The following STARD13 variants were observed in gnomAD, a reference collection of about 807,000 sequenced individuals.
STARD13 encodes StAR related lipid transfer domain containing 13, also known as stAR-related lipid transfer protein 13.
STARD13 carries 62 observed loss-of-function variants against 106.4 expected under a neutral mutation model. That is an observed-to-expected ratio of 0.58 (90% CI 0.48 to 0.72). The LOEUF (loss-of-function observed/expected upper bound fraction) is 0.72. STARD13 is among the 30% of genes least tolerant of loss of function. The pLI is 0.00. For missense variants in STARD13, 1,387 were observed against 1,424.0 expected (o/e 0.97, Z 0.42); for synonymous variants, 565 against 553.0 (o/e 1.02, Z -0.31).
the STARD13 span, among the ~76,000 whole-genome samples, chr13:33,558,788 A>G: frequency 6.6e-6 from 1 of 151,568 alleles, no homozygotes; most frequent in African/African-American, 2.4e-5. Flanking sequence ...GACAAATATA[A>G]TAAAATGATT....
At chr13:33,119,598 A>C (rs999438888) in intron 7 of STARD13, among the ~76,000 whole-genome samples, 3 of 152,220 alleles carry the variant, frequency 2.0e-5, no homozygotes, top group Non-Finnish European at 4.4e-5. Flanking sequence ...GAGCATACTC[A>C]GGTTTTTGTA....
chr13:33,521,857 C>A, the STARD13 span, among the ~76,000 whole-genome samples: 1 of 151,950 alleles, frequency 6.6e-6, no homozygotes, highest in East Asian at 1.9e-4. Flanking sequence ...AACAAAGAAA[C>A]AAGATGAAAA....
intron 1 of STARD13, among the ~76,000 whole-genome samples, chr13:33,293,584 G>T (rs545387247): frequency 6.6e-6 from 1 of 152,246 alleles, no homozygotes; most frequent in East Asian, 1.9e-4. Flanking sequence ...TGGATTTAAG[G>T]ATACAAAATA....
chr13:33,543,905 T>C, the STARD13 span, among the ~76,000 whole-genome samples: 1 of 152,242 alleles, frequency 6.6e-6, no homozygotes, highest in African/African-American at 2.4e-5. Flanking sequence ...CTGGTGATAC[T>C]AAGCCTGCAC....
At chr13:33,236,196 T>C (rs1383752433) in intron 1 of STARD13, among the ~76,000 whole-genome samples, 1 of 152,254 alleles carries the variant, frequency 6.6e-6, no homozygotes, top group African/African-American at 2.4e-5. Flanking sequence ...TTCAGATTGC[T>C]GAGAATGAAT....
chr13:33,607,504 G>A, the STARD13 span, among the ~76,000 whole-genome samples: 6 of 151,942 alleles, frequency 3.9e-5, no homozygotes, highest in Admixed American at 2.0e-4. Flanking sequence ...CACTGTCTTA[G>A]CCAGGATGGT....
rs1299352978 is a variant in STARD13 at position 33,323,619 on chromosome 13, A to C, written c.124+26671T>G. Reference sequence around the variant, plus strand: ...ATGGTACTTAGCTTCTCATTTTACTACCTCAAACAAAGCACTGTCTCTGAT... The same window carrying C: ...ATGGTACTTAGCTTCTCATTTTACTCCCTCAAACAAAGCACTGTCTCTGAT... On this transcript the variant is annotated intron_variant, in intron 1 of 5. Transcript: ENST00000567873. 2.6e-5 allele frequency among the ~76,000 whole-genome samples: 4 copies of C among 152,146 alleles called. No homozygotes were observed. The East Asian group carries it at 7.7e-4, about 29-fold the overall frequency.
chr13:33,447,818 T>C, the STARD13 span, among the ~76,000 whole-genome samples: 4 of 152,154 alleles, frequency 2.6e-5, no homozygotes, highest in Non-Finnish European at 5.9e-5. Flanking sequence ...ACAAATTTTA[T>C]CCTCAGAATT....
chr13:33,670,095 C>A, the STARD13 span, among the ~76,000 whole-genome samples: 3 of 152,114 alleles, frequency 2.0e-5, no homozygotes, highest in African/African-American at 2.4e-5. Context: ...GCTGCAGGAT[C>A]CTGAGGGTAG....
chr13:33,331,586 G>C (rs1224155709), intron 1 of STARD13, among the ~76,000 whole-genome samples: 1 of 143,254 alleles, frequency 7.0e-6, no homozygotes, highest in Middle Eastern at 3.8e-3. Context: ...GGCTAGTCTC[G>C]AACTCCTGAC....
rs1214709363 is a variant in STARD13 at position 33,130,520 on chromosome 13, T to G, written c.388-231A>C. 6.6e-6 allele frequency among the ~76,000 whole-genome samples: 1 copy of G among 152,190 alleles called. No homozygotes were observed. The highest frequency in any genetic ancestry group is 6.5e-5 in the Admixed American group (1 of 15,274). ...ACCCTTCTCAACTTGCCAAACTTTC[T>G]TCCTTCCCATTTTCAAAGAGGTTTT... On this transcript the variant is annotated intron_variant, in intron 4 of 13. Coordinates refer to ENST00000336934, the MANE Select transcript of STARD13 (RefSeq NM_178006.4). This position sits in a 1 kb window ranked among gnomAD's most constrained non-coding sequence, Gnocchi z 4.1.
chr13:33,468,419 A>G, the STARD13 span, among the ~76,000 whole-genome samples: 1 of 152,246 alleles, frequency 6.6e-6, no homozygotes, highest in East Asian at 1.9e-4. Context: ...CTCTACCTCA[A>G]ATGTGGAAGT....
the STARD13 span, among the ~76,000 whole-genome samples, chr13:33,462,625 A>T: frequency 6.6e-6 from 1 of 152,236 alleles, no homozygotes; most frequent in Non-Finnish European, 1.5e-5. Flanking sequence ...CTGGTAAACC[A>T]CTGGTAAAAG....
rs572274975 is a variant in STARD13 at position 33,182,900 on chromosome 13, C to T, written c.170-15278G>A. 9.0e-4 allele frequency among the ~76,000 whole-genome samples: 137 copies of T among 152,346 alleles called. 2 individuals are homozygous for T. The highest frequency in any genetic ancestry group is 3.7e-3 in the South Asian group (18 of 4,828). Reference sequence around the variant, plus strand: ...CCATCACCACGGCCCACAGTGCCTTCCTGCCTGGCCTCTGTGTGCTTCTGG... The same window carrying T: ...CCATCACCACGGCCCACAGTGCCTTTCTGCCTGGCCTCTGTGTGCTTCTGG... On this transcript the variant is annotated intron_variant, in intron 1 of 13. Transcript: ENST00000336934.
chr13:33,461,311 C>T, the STARD13 span, among the ~76,000 whole-genome samples: 1 of 152,222 alleles, frequency 6.6e-6, no homozygotes, highest in African/African-American at 2.4e-5. Flanking sequence ...TGACATGTCT[C>T]TCTTGTAAAA....
chr13:33,350,584 G>T, exon 1 of STARD13: 1 of 1,389,106 alleles, frequency 7.2e-7, no homozygotes, highest in Non-Finnish European at 9.3e-7. Flanking sequence ...TGCGCCACGC[G>T]CGAGGACCGG....
At chr13:33,181,197 C>T (rs981597563) in intron 1 of STARD13, among the ~76,000 whole-genome samples, 1 of 151,968 alleles carries the variant, frequency 6.6e-6, no homozygotes, top group Non-Finnish European at 1.5e-5. Flanking sequence ...CTCTGTCTCC[C>T]GTGGGCTATC....
upstream of STARD13, among the ~76,000 whole-genome samples, chr13:33,290,184 C>A (rs1566121090): frequency 6.6e-6 from 1 of 152,172 alleles, no homozygotes; most frequent in Non-Finnish European, 1.5e-5. Context: ...GCCCTTTCTA[C>A]TCCTTCACAC....
At chr13:33,176,626 A>C (rs1300167557) in intron 1 of STARD13, among the ~76,000 whole-genome samples, 1 of 152,230 alleles carries the variant, frequency 6.6e-6, no homozygotes, top group Non-Finnish European at 1.5e-5. Flanking sequence ...AAATGAGTTC[A>C]GGTATTTGAA....
Sources: gnomAD v4.1 joint callset for allele counts (sites outside exome capture counted in the v4.1 genomes callset) on GRCh38, gnomAD v4.1.1 for gene constraint, Gnocchi (gnomAD v3.1) non-coding constraint, MANE v1.5 for transcripts, NCBI Gene and HGNC (gene_info 2026-07-23, HGNC 2026-07-21) for gene names.